Variants in PIGN observed in about 807,000 individuals in gnomAD.
PIGN encodes phosphatidylinositol glycan anchor biosynthesis class N, also known as GPI ethanolamine phosphate transferase 1.
PIGN carries 117 observed loss-of-function variants against 125.4 expected under a neutral mutation model. The ratio of observed to expected loss-of-function variants is 0.93; its 90% CI spans 0.80 to 1.09. PIGN has a LOEUF of 1.09. Ranked by LOEUF, PIGN falls within the 50% of genes least tolerant of loss-of-function variation. The pLI is 0.00. For synonymous variants in PIGN, 392 were observed against 377.8 expected (o/e 1.04, Z -0.44); for missense variants, 1,075 against 1,094.9 (o/e 0.98, Z 0.26).
At chr18:62,103,925 A>G (rs2034542116) in intron 20 of PIGN, 1 of 152,190 alleles carries the variant, frequency 6.6e-6, no homozygotes, top group South Asian at 2.1e-4. Flanking sequence ...TTTGGTATCT[A>G]AACTTATTGG....
intron 14 of PIGN, among the ~76,000 whole-genome samples, chr18:62,129,670 G>A (rs879695952): frequency 6.0e-5 from 8 of 132,906 alleles, no homozygotes; most frequent in Admixed American, 3.3e-4. Flanking sequence ...TCCAACAAGG[G>A]CAGGCACTAC....
At chr18:62,125,284 G>A (rs899645723) in intron 14 of PIGN, among the ~76,000 whole-genome samples, 7 of 149,236 alleles carry the variant, frequency 4.7e-5, no homozygotes, top group South Asian at 2.1e-4. Flanking sequence ...ACACACACAC[G>A]AATTTTTAAT....
intron 30 of PIGN, chr18:62,069,361 T>G (rs1490569284): frequency 6.6e-6 from 1 of 152,198 alleles, no homozygotes; most frequent in Non-Finnish European, 1.5e-5. Flanking sequence ...CCAATTTAAT[T>G]TCTCTCATCA....
At position 62,023,764 on chromosome 18, in the gene PIGN, T is replaced by C. The variant is rs757060588; in HGVS notation, c.2143-6023A>G. On this transcript the variant is annotated intron_variant, in intron 23 of 24. Transcript: ENST00000639600. ...AAGGCAACACAACTGCACACTTTGC[T>C]GTCTGTGCATGAACTGAGTAACAGA... Among the ~76,000 whole-genome samples, 62 of 152,376 alleles carry C rather than the reference T, an allele frequency of 4.1e-4. 1 individual carries two copies. The highest frequency in any genetic ancestry group is 3.2e-4 in the Non-Finnish European group (22 of 68,032).
chr18:62,161,034 C>T (rs2036932391), intron 4 of PIGN, 99 bp downstream of exon 4: 3 of 716,462 alleles, frequency 4.2e-6, no homozygotes, highest in Non-Finnish European at 7.0e-6. Context: ...TCATCATCAC[C>T]CCTGTGCCCA....
At chr18:62,100,834 TA>T in intron 22 of PIGN, among the ~76,000 whole-genome samples, 1 of 152,330 alleles carries the variant, frequency 6.6e-6, no homozygotes, top group African/African-American at 2.4e-5. Flanking sequence ...GAGATGTTAA[TA>T]AATACATAGC....
At chr18:62,126,097 T>C (rs950591518) in intron 14 of PIGN, among the ~76,000 whole-genome samples, 2 of 152,142 alleles carry the variant, frequency 1.3e-5, no homozygotes, top group African/African-American at 4.8e-5. Flanking sequence ...TCATTGTATC[T>C]ATTTTTGGCC....
At position 62,164,485 on chromosome 18, in the gene PIGN, G is replaced by A. The variant is rs545756427; in HGVS notation, c.-235-829C>T. Among the ~76,000 whole-genome samples, 163 of 152,254 alleles carry A rather than the reference G, an allele frequency of 1.1e-3. 3 individuals are homozygous for A. Among genetic ancestry groups the A allele is most frequent in the South Asian group, 1.0e-3 (5 of 4,832 alleles). On this transcript the variant is annotated intron_variant, in intron 1 of 30. Coordinates refer to ENST00000640252, the MANE Select transcript of PIGN (RefSeq NM_176787.5). ...AGGAGAAGCAAGCACGCCTTACCAT[G>A]GCAGAGCAAAAGAGAGAGTGAGCAA... is the stretch of plus-strand genomic sequence containing the variant.
At chr18:62,116,977 A>G (rs2035110131) in intron 14 of PIGN, among the ~76,000 whole-genome samples, 1 of 152,106 alleles carries the variant, frequency 6.6e-6, no homozygotes, top group Admixed American at 6.6e-5. Context: ...TTTACATTAT[A>G]TATTATGTTA....
chr18:62,142,256 A>G (rs537320909), intron 11 of PIGN, among the ~76,000 whole-genome samples: 9 of 152,330 alleles, frequency 5.9e-5, no homozygotes, highest in Non-Finnish European at 1.0e-4. Context: ...CAGTGTTAGT[A>G]GAAGGAATGA....
chr18:62,167,303 T>C (rs1224383035), intron 1 of PIGN, among the ~76,000 whole-genome samples: 2 of 34,282 alleles, frequency 5.8e-5, no homozygotes, highest in Admixed American at 9.6e-4. Context: ...TGTGTGTGTG[T>C]GTGTGTGTGT....
At chr18:62,059,724 G>A (rs1052417292) in intron 30 of PIGN, among the ~76,000 whole-genome samples, 4 of 152,000 alleles carry the variant, frequency 2.6e-5, no homozygotes, top group African/African-American at 9.7e-5. Flanking sequence ...GATTGTGATG[G>A]TTGCACAACT....
At chr18:62,129,158 T>G (rs1485330260) in intron 14 of PIGN, among the ~76,000 whole-genome samples, 1 of 152,110 alleles carries the variant, frequency 6.6e-6, no homozygotes, top group African/African-American at 2.4e-5. Flanking sequence ...CTCTTCCCTT[T>G]CTCTAGTCGC....
chr18:62,161,345 C>G lies in PIGN; in HGVS notation c.9G>C (p.Leu3=). 6.2e-7 allele frequency: 1 copy of G among 1,609,880 alleles called. No individual in the cohort carries two copies. Among genetic ancestry groups the G allele is most frequent in the Non-Finnish European group, 8.5e-7 (1 of 1,177,098 alleles). The change falls in exon 4 of 31, where the codon CTG becomes CTC. Residue 3 remains leucine (L), a synonymous_variant. Transcript: ENST00000640252. ML[L]FFTLGLLIHF... is the part of the protein sequence containing the mutation. The stretch of plus-strand genomic sequence containing the variant: ...GTATAAGCAATCCCAAAGTAAAGAA[C>G]AGCAGCATATCCAGTGTAACTAATT...
chr18:62,154,618 T>C lies in PIGN; in HGVS notation c.476A>G (p.Tyr159Cys), dbSNP rs370350419. The C allele has an allele frequency of 1.3e-6, 2 of 1,575,930 alleles. No homozygotes were observed. The highest frequency in any genetic ancestry group is 1.7e-6 in the Non-Finnish European group (2 of 1,147,036). ...ASGDHVYTYS[Y>C]DAKREDFGAQ... ...ACCAAAATCCTCTCTTTTAGCATCATAACTATATGTATAAACGTGGTCTCC... is the reference window on the plus strand; with the variant it reads ...ACCAAAATCCTCTCTTTTAGCATCACAACTATATGTATAAACGTGGTCTCC... Residue 159 changes from tyrosine to cysteine, a missense_variant, in exon 7 of 31, where the codon TAT (tyrosine) becomes TGT (cysteine). Physicochemically the swap from Tyr to Cys is radical, Grantham distance 194. Transcript: ENST00000640252.
intron 23 of PIGN, among the ~76,000 whole-genome samples, chr18:62,024,582 A>C (rs1302642412): frequency 6.6e-6 from 1 of 152,140 alleles, no homozygotes; most frequent in Non-Finnish European, 1.5e-5. Context: ...CTATAACTCC[A>C]ACCTTAGCCC....
At chr18:62,080,458 G>A (rs2033395162) in intron 28 of PIGN, among the ~76,000 whole-genome samples, 1 of 152,162 alleles carries the variant, frequency 6.6e-6, no homozygotes, top group South Asian at 2.1e-4. Flanking sequence ...CAACCTTCCA[G>A]TTTAAAATGA....
chr18:62,078,762 G>A (rs759706053), intron 28 of PIGN, among the ~76,000 whole-genome samples: 17 of 152,212 alleles, frequency 1.1e-4, no homozygotes, highest in East Asian at 1.9e-4. Flanking sequence ...GAGTTTCCTC[G>A]TAAATACCTT....
downstream of PIGN, among the ~76,000 whole-genome samples, chr18:62,038,308 G>GT (rs34436733): frequency 0.25 from 29,701 of 118,978 alleles, 4,426 homozygotes; most frequent in African/African-American, 0.33. Context: ...CCCCCTCCGT[G>GT]TTTTTTTTTT....
Sources: allele counts gnomAD v4.1 joint callset (sites outside exome capture counted in the v4.1 genomes callset), GRCh38; gene constraint gnomAD v4.1.1; transcripts MANE v1.5; gene names NCBI Gene and HGNC (gene_info 2026-07-23, HGNC 2026-07-21).